The following ST6GALNAC3 variants were observed in gnomAD, a reference collection of about 807,000 sequenced individuals.
ST6GALNAC3 encodes the protein ST6 N-acetylgalactosaminide alpha-2,6-sialyltransferase 3.
A neutral mutation model predicts 32.7 loss-of-function variants in ST6GALNAC3; 25 were observed. That is an observed-to-expected ratio of 0.76 (90% CI 0.56 to 1.07). The LOEUF (loss-of-function observed/expected upper bound fraction) is 1.07. ST6GALNAC3 is among the 50% of genes least tolerant of loss of function. The probability of loss-of-function intolerance (pLI) is 0.00; values close to 1 mark genes in which losing one functional copy is unlikely to be tolerated. For missense variants in ST6GALNAC3, 355 were observed against 382.4 expected, an observed-to-expected ratio of 0.93 and a Z score of 0.60; for synonymous variants, 129 against 133.1, an observed-to-expected ratio of 0.97 and a Z score of 0.21.
In ST6GALNAC3 at chr1:76,631,000, G is replaced by A. The variant is rs1030291894; in HGVS notation, c.*2194G>A. On this transcript the variant is annotated 3_prime_UTR_variant, in exon 5 of 5. Transcript: ENST00000328299. ...TATTTAGTTTTCTAATAAATGAAGG[G>A]CCAACTCTTATTTGTTCTAGCCCCT... 3 of 985,494 alleles carry A rather than the reference G, an allele frequency of 3.0e-6. No homozygotes were observed. The highest frequency in any genetic ancestry group is 6.2e-5 in the Admixed American group (1 of 16,220). 61.0% of individuals were successfully genotyped at this position (985,494 alleles called of 1,614,324 possible). A position where few individuals can be genotyped will look rare whatever the true frequency, so the allele number is the denominator to read the frequency against.
At chr1:76,303,672 T>C (rs961559047) in intron 1 of ST6GALNAC3, among the ~76,000 whole-genome samples, 2 of 152,100 alleles carry the variant, frequency 1.3e-5, no homozygotes, top group Non-Finnish European at 2.9e-5. Context: ...TTCCATGATA[T>C]AGGATTCTAG....
At chr1:76,282,123 G>GC (rs1553173184) in intron 1 of ST6GALNAC3, among the ~76,000 whole-genome samples, 1 of 151,864 alleles carries the variant, frequency 6.6e-6, no homozygotes, top group African/African-American at 2.4e-5. Flanking sequence ...TGTGTTCCTT[G>GC]TTTTTTTCTC....
intron 1 of ST6GALNAC3, among the ~76,000 whole-genome samples, chr1:76,189,819 T>C (rs1653792390): frequency 6.6e-6 from 1 of 152,012 alleles, no homozygotes; most frequent in South Asian, 2.1e-4. Flanking sequence ...TGAAGGGTCT[T>C]ATAGTCCAGG....
At chr1:76,244,945 C>T (rs1212766051) in intron 1 of ST6GALNAC3, among the ~76,000 whole-genome samples, 1 of 152,068 alleles carries the variant, frequency 6.6e-6, no homozygotes, top group Non-Finnish European at 1.5e-5. Context: ...ATGCTGGCCT[C>T]ATAAAATGTA....
chr1:76,365,786 AC>A (rs1186081152), intron 2 of ST6GALNAC3, among the ~76,000 whole-genome samples: 1 of 152,180 alleles, frequency 6.6e-6, no homozygotes, highest in Non-Finnish European at 1.5e-5. Flanking sequence ...AAAGTCATTT[AC>A]CCTGTCTCTA....
At chr1:76,115,412 G>A (rs1233871872) in intron 1 of ST6GALNAC3, among the ~76,000 whole-genome samples, 4 of 152,114 alleles carry the variant, frequency 2.6e-5, no homozygotes, top group Non-Finnish European at 5.9e-5. Context: ...TTTACTACAT[G>A]CCAATCATAT....
intron 3 of ST6GALNAC3, among the ~76,000 whole-genome samples, chr1:76,451,173 A>G (rs1011020914): frequency 6.6e-6 from 1 of 152,218 alleles, no homozygotes; most frequent in Non-Finnish European, 1.5e-5. Flanking sequence ...GATTCTACCC[A>G]TCTGTATTAG....
At chr1:76,113,314 C>G (rs1422070033) in intron 1 of ST6GALNAC3, among the ~76,000 whole-genome samples, 2 of 121,142 alleles carry the variant, frequency 1.7e-5, no homozygotes, top group African/African-American at 3.1e-5. Context: ...CGCTCGGCAT[C>G]AGAGGGAGAC....
chr1:76,107,676 G>A (rs779183321), intron 1 of ST6GALNAC3, among the ~76,000 whole-genome samples: 5 of 151,648 alleles, frequency 3.3e-5, no homozygotes, highest in Admixed American at 6.6e-5. Flanking sequence ...TGCCCCACCC[G>A]CCAGCCCACC....
chr1:76,291,962 C>T (rs1260187174), intron 1 of ST6GALNAC3, among the ~76,000 whole-genome samples: 2 of 152,228 alleles, frequency 1.3e-5, no homozygotes, highest in Non-Finnish European at 2.9e-5. Flanking sequence ...CAACTCATCT[C>T]ATTAATCTCT....
At chr1:76,448,855 T>C (rs2101544136) in intron 3 of ST6GALNAC3, among the ~76,000 whole-genome samples, 1 of 152,240 alleles carries the variant, frequency 6.6e-6, no homozygotes, top group Non-Finnish European at 1.5e-5. Context: ...TCTTTTTTTG[T>C]TTTATGGAGT....
chr1:76,593,447 C>T (rs187256392), intron 3 of ST6GALNAC3, among the ~76,000 whole-genome samples: 32 of 152,134 alleles, frequency 2.1e-4, no homozygotes, highest in African/African-American at 7.7e-4. Context: ...CATGGTGAAC[C>T]CTTGGAAATA....
At chr1:76,429,459 A>G (rs772949809) in intron 3 of ST6GALNAC3, among the ~76,000 whole-genome samples, 4 of 152,214 alleles carry the variant, frequency 2.6e-5, no homozygotes, top group South Asian at 2.1e-4. Context: ...CATAATATCA[A>G]GAAGAATTCC....
chr1:76,593,475 GAA>G (rs1381427447), intron 3 of ST6GALNAC3, among the ~76,000 whole-genome samples: 1 of 152,108 alleles, frequency 6.6e-6, no homozygotes, highest in African/African-American at 2.4e-5. Context: ...GCCTAAGATA[GAA>G]AAGAGATTCA....
At chr1:76,156,555 T>G (rs79554015) in intron 1 of ST6GALNAC3, among the ~76,000 whole-genome samples, 1 of 152,148 alleles carries the variant, frequency 6.6e-6, no homozygotes, top group Admixed American at 6.5e-5. Flanking sequence ...GTTTTTTTTT[T>G]GCCTCTGGGA....
At chr1:76,577,093 TA>T in intron 3 of ST6GALNAC3, 1 of 1,080,626 alleles carries the variant, frequency 9.3e-7, no homozygotes. Context: ...TTACAGTTTT[TA>T]AAAAGGAAGG....
intron 1 of ST6GALNAC3, among the ~76,000 whole-genome samples, chr1:76,261,141 C>A (rs1457161153): frequency 6.6e-6 from 1 of 152,070 alleles, no homozygotes; most frequent in African/African-American, 2.4e-5. Flanking sequence ...CTATTATCTT[C>A]ATGATGCACA....
chr1:76,521,734 T>C (rs182448202), intron 3 of ST6GALNAC3, among the ~76,000 whole-genome samples: 1 of 152,296 alleles, frequency 6.6e-6, no homozygotes, highest in African/African-American at 2.4e-5. Flanking sequence ...TATATTTTCA[T>C]TGAGTGTACA....
chr1:76,235,286 G>A (rs1557715904), intron 1 of ST6GALNAC3, among the ~76,000 whole-genome samples: 1 of 152,074 alleles, frequency 6.6e-6, no homozygotes, highest in African/African-American at 2.4e-5. Context: ...CAGGAGGATC[G>A]CTTGAGCCCA....
Sources: gnomAD v4.1 joint callset for allele counts (sites outside exome capture counted in the v4.1 genomes callset) on GRCh38, gnomAD v4.1.1 for gene constraint, MANE v1.5 for transcripts, NCBI Gene and HGNC (gene_info 2026-07-23, HGNC 2026-07-21) for gene names.